The following CSMD1 variants were observed in gnomAD, a reference collection of about 807,000 sequenced individuals.
CSMD1 encodes the protein CUB and Sushi multiple domains 1, also known as CUB and sushi domain-containing protein 1.
A neutral mutation model predicts 417.5 loss-of-function variants in CSMD1; 213 were observed. The ratio of observed to expected loss-of-function variants is 0.51; its 90% confidence interval spans 0.46 to 0.57. The LOEUF (loss-of-function observed/expected upper bound fraction) is 0.57, where lower values mean the gene tolerates loss of function less well. Among genes scored for constraint, CSMD1 ranks in the 20% least tolerant of loss-of-function variants. The pLI, the probability that CSMD1 is intolerant of heterozygous loss-of-function variation, is 0.00. For synonymous variants in CSMD1, 2,862 were observed against 1,736.8 expected (o/e 1.65, Z -16.11); for missense variants, 6,923 against 4,529.7 (o/e 1.53, Z -15.17).
chr8:3,295,451 G>C (rs955766028), intron 25 of CSMD1, among the ~76,000 whole-genome samples: 10 of 152,190 alleles, frequency 6.6e-5, no homozygotes, highest in Admixed American at 2.6e-4. Context: ...ACTATTATGG[G>C]AGAGACCGTT....
At chr8:4,613,084 G>A (rs539576307) in intron 2 of CSMD1, among the ~76,000 whole-genome samples, 16 of 152,140 alleles carry the variant, frequency 1.1e-4, no homozygotes, top group African/African-American at 3.4e-4. Context: ...ACTTTCCTAG[G>A]CTTGTCTTAT....
chr8:3,643,133 G>C (rs1400244756), intron 7 of CSMD1, among the ~76,000 whole-genome samples: 1 of 151,970 alleles, frequency 6.6e-6, no homozygotes, highest in Admixed American at 6.6e-5. Context: ...TTAACAGTCA[G>C]GGAAAAACCA....
At chr8:3,588,045 C>A (rs1469817106) in intron 8 of CSMD1, among the ~76,000 whole-genome samples, 1 of 151,778 alleles carries the variant, frequency 6.6e-6, no homozygotes, top group Non-Finnish European at 1.5e-5. Context: ...CGTTTTTGAT[C>A]ATTGGTCTGT....
intron 17 of CSMD1, among the ~76,000 whole-genome samples, chr8:3,388,203 C>A (rs1038722530): frequency 1.3e-5 from 2 of 152,140 alleles, no homozygotes; most frequent in Non-Finnish European, 2.9e-5. Flanking sequence ...AGTTTGCATT[C>A]CATAAATCCA....
chr8:3,062,677 G>A (rs1325724999), intron 49 of CSMD1, among the ~76,000 whole-genome samples: 2 of 149,640 alleles, frequency 1.3e-5, no homozygotes, highest in African/African-American at 5.0e-5. Flanking sequence ...ACCCAAGGAA[G>A]AAAAAAAAGC....
At chr8:4,701,781 G>A (rs1412252278) in intron 1 of CSMD1, among the ~76,000 whole-genome samples, 2 of 79,772 alleles carry the variant, frequency 2.5e-5, no homozygotes, top group South Asian at 4.0e-4. Context: ...AGAAAACCTT[G>A]GGTGGAAGAT....
At chr8:4,448,283 A>T (rs1798935104) in intron 2 of CSMD1, among the ~76,000 whole-genome samples, 3 of 152,184 alleles carry the variant, frequency 2.0e-5, no homozygotes, top group Admixed American at 6.5e-5. Context: ...TATAGTTATA[A>T]CACAAAAAAG....
At chr8:4,069,360 C>T (rs1358179317) in intron 3 of CSMD1, among the ~76,000 whole-genome samples, 1 of 152,182 alleles carries the variant, frequency 6.6e-6, no homozygotes, top group African/African-American at 2.4e-5. Context: ...AGTTGAACCA[C>T]TGGTGATTTT....
intron 15 of CSMD1, among the ~76,000 whole-genome samples, chr8:3,402,251 T>A (rs1166318582): frequency 6.6e-6 from 1 of 152,152 alleles, no homozygotes; most frequent in Non-Finnish European, 1.5e-5. Context: ...CAATGTTCAA[T>A]CCTTAATCTT....
At chr8:4,035,470 T>C (rs951114491) in intron 3 of CSMD1, among the ~76,000 whole-genome samples, 3 of 144,948 alleles carry the variant, frequency 2.1e-5, no homozygotes, top group Non-Finnish European at 3.0e-5. Flanking sequence ...GGCATTATTA[T>C]CCTAGGAGAT....
chr8:4,463,669 T>C (rs565559608), intron 2 of CSMD1, among the ~76,000 whole-genome samples: 1 of 152,276 alleles, frequency 6.6e-6, no homozygotes, highest in Admixed American at 6.5e-5. Flanking sequence ...TTTGTACCAT[T>C]GCACTTACAT....
chr8:4,284,001 G>A (rs1316591108), intron 3 of CSMD1, among the ~76,000 whole-genome samples: 1 of 152,180 alleles, frequency 6.6e-6, no homozygotes, highest in Non-Finnish European at 1.5e-5. Context: ...GGGAGGCCGA[G>A]GAAGGTGAAT....
In CSMD1 at chr8:4,587,960, G is replaced by A. The variant is rs151030424; in HGVS notation, c.302+49382C>T. Among the ~76,000 whole-genome samples the A allele has an allele frequency of 2.3e-3, 347 of 152,312 alleles. 1 individual carries two copies. The highest frequency in any genetic ancestry group is 8.1e-3 in the African/African-American group (335 of 41,564). On this transcript the variant is annotated intron_variant, in intron 2 of 69. Transcript: ENST00000635120. ...AAGGAGATTGTGTGTAGACTTTAAA[G>A]TATACCCAGCAACATCAACTAGCTA...
chr8:3,523,565 G>GCA (rs200186998), intron 10 of CSMD1, among the ~76,000 whole-genome samples: 1 of 151,466 alleles, frequency 6.6e-6, no homozygotes, highest in Non-Finnish European at 1.5e-5. Flanking sequence ...GCACACAGAT[G>GCA]CACACACACA....
chr8:4,842,350 T>G (rs753111101), intron 1 of CSMD1, among the ~76,000 whole-genome samples: 3 of 152,238 alleles, frequency 2.0e-5, no homozygotes, highest in Non-Finnish European at 4.4e-5. Context: ...ATATCTGACT[T>G]TGGCTTAAAT....
At chr8:4,119,477 G>C (rs1802354271) in intron 3 of CSMD1, among the ~76,000 whole-genome samples, 1 of 152,148 alleles carries the variant, frequency 6.6e-6, no homozygotes, top group South Asian at 2.1e-4. Flanking sequence ...AAAACCCATT[G>C]GTTAAACTCG....
intron 8 of CSMD1, among the ~76,000 whole-genome samples, chr8:3,608,173 CAAAAAAA>C (rs5888975): frequency 2.1e-5 from 2 of 97,334 alleles, no homozygotes; most frequent in South Asian, 7.3e-4. Context: ...GAAGCCATCT[CAAAAAAA>C]AAAAAAAAAA....
intron 3 of CSMD1, among the ~76,000 whole-genome samples, chr8:4,158,404 T>C (rs1156457355): frequency 6.6e-6 from 1 of 151,990 alleles, no homozygotes; most frequent in East Asian, 1.9e-4. Context: ...GTCATCACTA[T>C]TGCAAAAGGA....
At chr8:4,093,632 T>G (rs1585299279) in intron 3 of CSMD1, among the ~76,000 whole-genome samples, 1 of 152,042 alleles carries the variant, frequency 6.6e-6, no homozygotes, top group South Asian at 2.1e-4. Context: ...TTAAGCCAAC[T>G]ATGATTGAGA....
Sources: gnomAD v4.1 joint callset for allele counts (sites outside exome capture counted in the v4.1 genomes callset) on GRCh38, gnomAD v4.1.1 for gene constraint, MANE v1.5 for transcripts, NCBI Gene and HGNC (gene_info 2026-07-23, HGNC 2026-07-21) for gene names.